RNF212B: variants seen among roughly 807,000 people sequenced by gnomAD.
RNF212B encodes E3 ubiquitin-protein ligase RNF212B.
Under a neutral mutation model 55.5 loss-of-function variants are expected in RNF212B, and 52 were observed. The observed-to-expected ratio is 0.94, with a 90% CI of 0.75 to 1.18. The LOEUF (loss-of-function observed/expected upper bound fraction) is 1.18, where lower values mean the gene tolerates loss of function less well. Among genes scored for constraint, RNF212B ranks in the 50% most tolerant of loss-of-function variants. The pLI, the probability that RNF212B is intolerant of heterozygous loss-of-function variation, is 0.00. For synonymous variants in RNF212B, 99 were observed against 121.4 expected (o/e 0.82, Z 1.21); for missense variants, 289 against 350.4 (o/e 0.82, Z 1.40).
chr14:23,228,172 C>T (rs576412946), intron 2 of RNF212B, among the ~76,000 whole-genome samples: 5 of 151,908 alleles, frequency 3.3e-5, no homozygotes, highest in East Asian at 1.9e-4. Flanking sequence ...GTGGAGATTG[C>T]GGTGAGCTGA....
intron 2 of RNF212B, among the ~76,000 whole-genome samples, chr14:23,229,261 T>TATATATATATATAC (rs558232357): frequency 1.9e-4 from 24 of 127,202 alleles, no homozygotes; most frequent in South Asian, 5.0e-4. Flanking sequence ...TATATATATA[T>TATATATATATATAC]ACCACATTGT....
intron 4 of RNF212B, among the ~76,000 whole-genome samples, chr14:23,245,771 T>A (rs1361221700): frequency 6.6e-6 from 1 of 152,214 alleles, no homozygotes; most frequent in Non-Finnish European, 1.5e-5. Context: ...TTTTTTTGCA[T>A]TGTAGTTCTT....
chr14:23,192,499 A>G (rs1182178375), intron 1 of RNF212B, among the ~76,000 whole-genome samples: 1 of 141,396 alleles, frequency 7.1e-6, no homozygotes, highest in Non-Finnish European at 1.5e-5. Context: ...GAACACTTGG[A>G]CACAGGAAGG....
At chr14:23,253,419 G>C (rs1323944106) in intron 4 of RNF212B, among the ~76,000 whole-genome samples, 1 of 152,114 alleles carries the variant, frequency 6.6e-6, no homozygotes. Context: ...GTTGTTCACA[G>C]TGTGGATTTT....
intron 2 of RNF212B, among the ~76,000 whole-genome samples, chr14:23,195,863 GA>G (rs1878609218): frequency 6.6e-6 from 1 of 152,170 alleles, no homozygotes; most frequent in Admixed American, 6.5e-5. Context: ...TTTTACAAAG[GA>G]GGAAACGGGT....
intron 2 of RNF212B, among the ~76,000 whole-genome samples, chr14:23,217,520 T>C (rs1359092315): frequency 1.3e-5 from 2 of 152,108 alleles, no homozygotes; most frequent in Non-Finnish European, 2.9e-5. Context: ...GGTTGCCACA[T>C]GGGTGCTTGC....
intron 14 of RNF212B, among the ~76,000 whole-genome samples, chr14:23,271,392 G>A (rs1316336994): frequency 2.3e-4 from 35 of 151,336 alleles, no homozygotes; most frequent in Non-Finnish European, 1.6e-4. Flanking sequence ...GCAGTGAGCC[G>A]AGATTGCGCC....
chr14:23,230,046 G>A (rs1300642316), intron 2 of RNF212B: 4 of 209,936 alleles, frequency 1.9e-5, no homozygotes, highest in Admixed American at 8.5e-5. Context: ...AATCCACTGA[G>A]GAATGGGATG....
chr14:23,231,734 T>A, intron 2 of RNF212B, among the ~76,000 whole-genome samples: 1 of 146,232 alleles, frequency 6.8e-6, no homozygotes, highest in Non-Finnish European at 1.5e-5. Flanking sequence ...CACTGCAACC[T>A]CCCTGCCTGA....
At position 23,228,102 on chromosome 14, in the gene RNF212B, T is replaced by C. The variant is rs539613913; in HGVS notation, c.-1-12243T>C. ...AAAATTAGCCAGGCGTGGTGGCACA[T>C]GCCTGTAATCCCAGCTACTCAGGAG... On this transcript the variant is annotated intron_variant, in intron 2 of 15. Coordinates refer to the RNF212B transcript ENST00000399910. Among the ~76,000 whole-genome samples, 5 of 151,718 alleles carry C rather than the reference T, an allele frequency of 3.3e-5. No individual in the cohort carries two copies. In the South Asian group the frequency reaches 1.0e-3, roughly 32 times the overall value.
intron 2 of RNF212B, among the ~76,000 whole-genome samples, chr14:23,223,451 GT>G (rs1470575240): frequency 6.6e-6 from 1 of 152,038 alleles, no homozygotes; most frequent in African/African-American, 2.4e-5. Context: ...CGCCTCACGG[GT>G]TCACGCCATT....
At chr14:23,202,472 G>C (rs1879397618) in intron 2 of RNF212B, among the ~76,000 whole-genome samples, 2 of 152,126 alleles carry the variant, frequency 1.3e-5, no homozygotes, top group South Asian at 2.1e-4. Context: ...GAGTTGAATA[G>C]CTTTAATTTC....
chr14:23,228,108 T>C lies in RNF212B; in HGVS notation c.-1-12237T>C, dbSNP rs201994683. On this transcript the variant is annotated intron_variant, in intron 2 of 15. Coordinates refer to the RNF212B transcript ENST00000399910. ...AGCCAGGCGTGGTGGCACATGCCTGTAATCCCAGCTACTCAGGAGGCTGAG... is the reference window on the plus strand; with the variant it reads ...AGCCAGGCGTGGTGGCACATGCCTGCAATCCCAGCTACTCAGGAGGCTGAG... Among the ~76,000 whole-genome samples, 18 of 151,930 alleles carry C rather than the reference T, an allele frequency of 1.2e-4. No homozygotes were observed. In the East Asian group the frequency reaches 3.5e-3, roughly 30 times the overall value.
intron 2 of RNF212B, among the ~76,000 whole-genome samples, chr14:23,200,254 T>C (rs570735015): frequency 6.6e-6 from 1 of 152,070 alleles, no homozygotes; most frequent in Non-Finnish European, 1.5e-5. Context: ...GAATCTCAGA[T>C]AAGATTTTAA....
At chr14:23,220,099 C>T (rs888079371) in intron 2 of RNF212B, among the ~76,000 whole-genome samples, 5 of 151,564 alleles carry the variant, frequency 3.3e-5, no homozygotes, top group African/African-American at 1.2e-4. Context: ...CACGAGTATC[C>T]CTTGAACCTG....
rs1566438497 is a variant in RNF212B, at chr14:23,262,664, G to A, written c.435-1G>A. ...GCCGCCTCTTTTTTTTTCCCTTGCA[G>A]GTCAATCACACCTCGACCAGTGGGC... On this transcript the variant is annotated splice_acceptor_variant, in intron 7 of 14. Coordinates refer to ENST00000430154, the MANE Select transcript of RNF212B (RefSeq NM_001282322.3). LOFTEE classifies it high-confidence loss of function. The A allele has an allele frequency of 1.3e-6, 2 of 1,549,000 alleles. No individual in the cohort carries two copies. Among genetic ancestry groups the A allele is most frequent in the South Asian group, 1.2e-5 (1 of 83,862 alleles).
At chr14:23,185,794 G>C (rs1264552225) in intron 1 of RNF212B, among the ~76,000 whole-genome samples, 7 of 152,108 alleles carry the variant, frequency 4.6e-5, no homozygotes, top group Admixed American at 2.6e-4. Flanking sequence ...TTGATTACTG[G>C]TGCGATGTAA....
intron 11 of RNF212B, among the ~76,000 whole-genome samples, chr14:23,265,018 A>G (rs1057109330): frequency 6.6e-6 from 1 of 151,812 alleles, no homozygotes; most frequent in South Asian, 2.1e-4. Flanking sequence ...ACGGGGTTTC[A>G]TCGTGTTGCC....
At chr14:23,194,662 G>A (rs1192923430) in intron 2 of RNF212B, among the ~76,000 whole-genome samples, 4 of 144,898 alleles carry the variant, frequency 2.8e-5, no homozygotes, top group Non-Finnish European at 6.0e-5. Context: ...ATGAGCCCGG[G>A]AGATGGAGGT....
Sources: allele counts gnomAD v4.1 joint callset (sites outside exome capture counted in the v4.1 genomes callset), GRCh38; gene constraint gnomAD v4.1.1; transcripts MANE v1.5; gene names NCBI Gene and HGNC (gene_info 2026-07-23, HGNC 2026-07-21).